Variants in PHACTR2 observed in about 807,000 individuals in gnomAD.
PHACTR2 encodes chromosome 6 open reading frame 56.
In PHACTR2, 30 loss-of-function variants were observed where a neutral mutation model predicts 76.0. That is an observed-to-expected ratio of 0.39 (90% CI 0.30 to 0.54). The LOEUF is 0.54. PHACTR2 is among the 20% of genes least tolerant of loss of function. PHACTR2 has a pLI of 0.61. For synonymous variants in PHACTR2, 292 were observed against 292.5 expected, an observed-to-expected ratio of 1.00 and a Z score of 0.02; for missense variants, 696 against 781.1, an observed-to-expected ratio of 0.89 and a Z score of 1.30.
Position 143,755,240 on chromosome 6 carries a change from C to T in PHACTR2, c.454+1328C>T. 2.2e-6 allele frequency: 1 copy of T among 454,644 alleles called. No individual in the cohort carries two copies. The highest frequency in any genetic ancestry group is 4.4e-6 in the Non-Finnish European group (1 of 226,022). 28.2% of individuals were successfully genotyped at this position (454,644 alleles called of 1,614,324 possible). ...GACTTAAATAAATTTTAGTGGGATT[C>T]AGTTGAAAGTATTAACGCAAGTAGT... is the stretch of plus-strand genomic sequence containing the variant. On this transcript the variant is annotated intron_variant, in intron 4 of 12. Transcript: ENST00000440869. This position sits in a 1 kb window ranked among gnomAD's most constrained non-coding sequence, Gnocchi z 5.2.
chr6:143,741,673 C>T (rs1327623156), intron 2 of PHACTR2, among the ~76,000 whole-genome samples: 2 of 152,176 alleles, frequency 1.3e-5, no homozygotes, highest in Non-Finnish European at 2.9e-5. Flanking sequence ...ACAGATCTTC[C>T]TCTTTCTTAA....
Position 143,595,960 on chromosome 6 carries a change from A to G in PHACTR2, c.217+58753A>G, listed in dbSNP as rs1463747404. Among the ~76,000 whole-genome samples the G allele has an allele frequency of 1.3e-5, 2 of 152,144 alleles. No homozygotes were observed. The highest frequency in any genetic ancestry group is 2.9e-5 in the Non-Finnish European group (2 of 68,020). ...AAGTTTGTTCCTTTTTAGTTTTTCT[A>G]TGGTTCAAACTATTTCTCGTATAAG... On this transcript the variant is annotated intron_variant, in intron 1 of 11. Transcript: ENST00000367584. This position sits in a 1 kb window ranked among gnomAD's most constrained non-coding sequence, Gnocchi z 4.2.
rs529160982 is a variant in PHACTR2 at position 143,829,017 on chromosome 6, G to C, written c.*5328G>C. The C allele has an allele frequency of 3.9e-5, 6 of 152,072 alleles. No individual in the cohort carries two copies. The highest frequency in any genetic ancestry group is 1.4e-4 in the African/African-American group (6 of 41,474). 9.4% of individuals were successfully genotyped at this position (152,072 alleles called of 1,614,324 possible). A position where few individuals can be genotyped will look rare whatever the true frequency, so the allele number is the denominator to read the frequency against. On this transcript the variant is annotated 3_prime_UTR_variant, in exon 13 of 13. Transcript: ENST00000440869. The stretch of plus-strand genomic sequence containing the variant: ...CTTGCATTTCTTTGGGCCCTGAATG[G>C]TTTTTCTCCCTTCATTTTTCGAGCC...
chr6:143,605,938 A>T (rs1294668534), upstream of PHACTR2, among the ~76,000 whole-genome samples: 2 of 152,302 alleles, frequency 1.3e-5, no homozygotes, highest in Non-Finnish European at 2.9e-5. This position sits in a 1 kb window ranked among gnomAD's most constrained non-coding sequence, Gnocchi z 5.0. Context: ...CAGCTAATTA[A>T]CACATCCATC....
At chr6:143,770,347 G>A (rs1451897695) in intron 6 of PHACTR2, among the ~76,000 whole-genome samples, 4 of 152,192 alleles carry the variant, frequency 2.6e-5, no homozygotes, top group Admixed American at 1.3e-4. Context: ...CAATGGCTGG[G>A]AGATAATGGT....
At position 143,589,332 on chromosome 6, in the gene PHACTR2, G is replaced by C. The variant is rs866713205; in HGVS notation, c.217+52125G>C. Reference sequence around the variant, plus strand: ...AGTGAATGACTTCTCACGATATCTGGTTGTTTAAAAGTGTGGGGCACCTCA... The same window carrying C: ...AGTGAATGACTTCTCACGATATCTGCTTGTTTAAAAGTGTGGGGCACCTCA... On this transcript the variant is annotated intron_variant, in intron 1 of 11. Transcript: ENST00000367584. The surrounding 1 kb of genome is among the most constrained non-coding windows in gnomAD (Gnocchi z 4.4). 6.6e-5 allele frequency among the ~76,000 whole-genome samples: 10 copies of C among 152,112 alleles called. No homozygotes were observed. The highest frequency in any genetic ancestry group is 2.4e-4 in the African/African-American group (10 of 41,410).
chr6:143,626,775 G>A (rs1776268281), intron 1 of PHACTR2, among the ~76,000 whole-genome samples: 1 of 152,172 alleles, frequency 6.6e-6, no homozygotes, highest in Admixed American at 6.5e-5. Flanking sequence ...GGGGCATGAT[G>A]TGAAGCGTGT....
At chr6:143,607,429 C>T (rs185295806), upstream of PHACTR2, among the ~76,000 whole-genome samples, 9 of 152,312 alleles carry the variant, frequency 5.9e-5, no homozygotes, top group Admixed American at 4.6e-4. Context: ...CCAAATTAAA[C>T]GAAAGAAGTG....
At position 143,819,633 on chromosome 6, in the gene PHACTR2, G is replaced by A. The variant is rs935035014; in HGVS notation, c.1923-4041G>A. 1.3e-5 allele frequency among the ~76,000 whole-genome samples: 2 copies of A among 152,154 alleles called. No individual in the cohort carries two copies. Among genetic ancestry groups the A allele is most frequent in the Admixed American group, 6.5e-5 (1 of 15,280 alleles). Reference sequence around the variant, plus strand: ...TGGAGTACAAAGGGTGGGGAGCCTGGAGTTGTTGTTCAAGGACAAGAGAGG... The same window carrying A: ...TGGAGTACAAAGGGTGGGGAGCCTGAAGTTGTTGTTCAAGGACAAGAGAGG... On this transcript the variant is annotated intron_variant, in intron 12 of 12. Coordinates refer to ENST00000440869, the MANE Select transcript of PHACTR2 (RefSeq NM_001100164.2). This position sits in a 1 kb window ranked among gnomAD's most constrained non-coding sequence, Gnocchi z 5.0.
In PHACTR2 at chr6:143,662,956, T is replaced by C. The variant is rs1317450713; in HGVS notation, c.14-49060T>C. Reference sequence around the variant, plus strand: ...TAGCTCCCACTTATAAGTGAGAATATGTGATATTTGGTTTTCTGTTCCTGT... The same window carrying C: ...TAGCTCCCACTTATAAGTGAGAATACGTGATATTTGGTTTTCTGTTCCTGT... On this transcript the variant is annotated intron_variant, in intron 1 of 11. Coordinates refer to the PHACTR2 transcript ENST00000305766. This position sits in a 1 kb window ranked among gnomAD's most constrained non-coding sequence, Gnocchi z 4.7. 6.6e-6 allele frequency among the ~76,000 whole-genome samples: 1 copy of C among 152,176 alleles called. No individual in the cohort carries two copies. Among genetic ancestry groups the C allele is most frequent in the Admixed American group, 6.5e-5 (1 of 15,278 alleles).
In PHACTR2 at chr6:143,662,779, A is replaced by G. The variant is rs1222118333; in HGVS notation, c.14-49237A>G. ...GGCTTTTATTTTTGATACAGGGGGT[A>G]TGTATGGAGGACTGTTATATGGGTG... is the stretch of plus-strand genomic sequence containing the variant. On this transcript the variant is annotated intron_variant, in intron 1 of 11. Transcript: ENST00000305766. The surrounding 1 kb of genome is among the most constrained non-coding windows in gnomAD (Gnocchi z 4.7). 6.6e-6 allele frequency among the ~76,000 whole-genome samples: 1 copy of G among 151,740 alleles called. No individual in the cohort carries two copies.
chr6:143,774,005 T>G lies in PHACTR2; in HGVS notation c.1433-54T>G. The stretch of plus-strand genomic sequence containing the variant: ...AAGTCCATGCCATGTGTAACCTGAG[T>G]GCCACTGGCTAAAAGCCTCTCTCTC... On this transcript the variant is annotated intron_variant, in intron 7 of 12. Coordinates refer to ENST00000440869, the MANE Select transcript of PHACTR2 (RefSeq NM_001100164.2). The surrounding 1 kb of genome is among the most constrained non-coding windows in gnomAD (Gnocchi z 5.4). 6.5e-7 allele frequency: 1 copy of G among 1,533,420 alleles called. No homozygotes were observed. The highest frequency in any genetic ancestry group is 8.9e-7 in the Non-Finnish European group (1 of 1,118,290). 95.0% of individuals were successfully genotyped at this position (1,533,420 alleles called of 1,614,324 possible).
chr6:143,747,930 A>G (rs539062668), intron 2 of PHACTR2, among the ~76,000 whole-genome samples: 2 of 152,284 alleles, frequency 1.3e-5, no homozygotes, highest in South Asian at 4.2e-4. Flanking sequence ...ACTCAAGGGG[A>G]ACACAATTGA....
At chr6:143,568,708 C>A (rs539017292) in intron 1 of PHACTR2, among the ~76,000 whole-genome samples, 98 of 152,278 alleles carry the variant, frequency 6.4e-4, no homozygotes, top group African/African-American at 2.2e-3. Context: ...TCTTAGTCTT[C>A]CCATGCCTTT....
chr6:143,775,807 A>C lies in PHACTR2; in HGVS notation c.1590-1521A>C, dbSNP rs1038827163. On this transcript the variant is annotated intron_variant, in intron 8 of 12. Transcript: ENST00000440869. This position sits in a 1 kb window ranked among gnomAD's most constrained non-coding sequence, Gnocchi z 4.4. Reference sequence around the variant, plus strand: ...GAAGTATCCTATACCCACCTCAATAAATGTCAAAGTAGCAGTAAAGAAAAT... The same window carrying C: ...GAAGTATCCTATACCCACCTCAATACATGTCAAAGTAGCAGTAAAGAAAAT... Among the ~76,000 whole-genome samples the C allele has an allele frequency of 5.9e-5, 9 of 152,234 alleles. No individual in the cohort carries two copies. Among genetic ancestry groups the C allele is most frequent in the Non-Finnish European group, 1.2e-4 (8 of 68,048 alleles).
At position 143,821,323 on chromosome 6, in the gene PHACTR2, G is replaced by A. The variant is rs1315071310; in HGVS notation, c.1923-2351G>A. Among the ~76,000 whole-genome samples, 5 of 152,110 alleles carry A rather than the reference G, an allele frequency of 3.3e-5. No individual in the cohort carries two copies. The highest frequency in any genetic ancestry group is 2.1e-4 in the South Asian group (1 of 4,830). On this transcript the variant is annotated intron_variant, in intron 12 of 12. Coordinates refer to ENST00000440869, the MANE Select transcript of PHACTR2 (RefSeq NM_001100164.2). This position sits in a 1 kb window ranked among gnomAD's most constrained non-coding sequence, Gnocchi z 5.2. ...AACACAGAAGTAATATAAGTCCCTCGTATCCAACTAGCAGCTCCTCAGTTA... is the reference window on the plus strand; with the variant it reads ...AACACAGAAGTAATATAAGTCCCTCATATCCAACTAGCAGCTCCTCAGTTA...
At chr6:143,686,573 C>T (rs1005106521) in intron 1 of PHACTR2, among the ~76,000 whole-genome samples, 5 of 150,120 alleles carry the variant, frequency 3.3e-5, no homozygotes, top group African/African-American at 4.9e-5. Context: ...CTGCAACCTC[C>T]ACCTTCTGGT....
Position 143,709,621 on chromosome 6 carries a change from T to TA in PHACTR2, c.47-2390dup, listed in dbSNP as rs1414599899. On this transcript the variant is annotated intron_variant, in intron 1 of 12. Transcript: ENST00000440869. The surrounding 1 kb of genome is among the most constrained non-coding windows in gnomAD (Gnocchi z 4.4). ...CCGCCTTGTCACCCCGACATGGAGG[T>TA]AAAAATCCCATTTCTCCACCTGTCC... 3.9e-5 allele frequency among the ~76,000 whole-genome samples: 6 copies of TA among 152,028 alleles called. No homozygotes were observed. The East Asian group carries it at 1.2e-3, about 29-fold the overall frequency.
chr6:143,651,079 T>C (rs1390480398), intron 1 of PHACTR2, among the ~76,000 whole-genome samples: 3 of 151,458 alleles, frequency 2.0e-5, no homozygotes. Flanking sequence ...CCAACAAACA[T>C]ATGAAAAAAA....
Sources: gnomAD v4.1 joint callset for allele counts (sites outside exome capture counted in the v4.1 genomes callset) on GRCh38, gnomAD v4.1.1 for gene constraint, Gnocchi (gnomAD v3.1) non-coding constraint, MANE v1.5 for transcripts, NCBI Gene and HGNC (gene_info 2026-07-23, HGNC 2026-07-21) for gene names.